Variants in RHOBTB3 observed in about 807,000 individuals in gnomAD.
RHOBTB3 encodes the protein Rho related BTB domain containing 3.
RHOBTB3 carries 47 observed loss-of-function variants against 67.2 expected under a neutral mutation model. That is an observed-to-expected ratio of 0.70 (90% CI 0.55 to 0.89). The LOEUF (loss-of-function observed/expected upper bound fraction) is 0.89, where lower values mean the gene tolerates loss of function less well. RHOBTB3 is among the 40% of genes least tolerant of loss of function. RHOBTB3 has a pLI of 0.00. For synonymous variants in RHOBTB3, 273 were observed against 274.2 expected (o/e 1.00, Z 0.04); for missense variants, 631 against 750.0 (o/e 0.84, Z 1.85).
At chr5:95,784,052 C>A (rs537874065) in intron 10 of RHOBTB3, 89 bp downstream of exon 10, 2 of 1,045,446 alleles carry the variant, frequency 1.9e-6, no homozygotes, top group Non-Finnish European at 2.6e-6. Flanking sequence ...TTTTAACATA[C>A]GTTAATACTA....
chr5:95,738,321 A>T (rs1489835950), intron 3 of RHOBTB3, among the ~76,000 whole-genome samples: 1 of 152,048 alleles, frequency 6.6e-6, no homozygotes, highest in Admixed American at 6.5e-5. Flanking sequence ...TCCATTTCCT[A>T]TTCATTCTTC....
chr5:95,761,492 G>A (rs559265002), intron 6 of RHOBTB3, among the ~76,000 whole-genome samples: 23 of 152,116 alleles, frequency 1.5e-4, no homozygotes, highest in African/African-American at 2.7e-4. Flanking sequence ...ACAGGCAGAC[G>A]CCACCATGCC....
At chr5:95,786,006 T>G (rs1746214467) in intron 10 of RHOBTB3, among the ~76,000 whole-genome samples, 1 of 152,196 alleles carries the variant, frequency 6.6e-6, no homozygotes, top group Admixed American at 6.5e-5. Flanking sequence ...CCTTATCTTT[T>G]CCCCTTGAAT....
intron 8 of RHOBTB3, among the ~76,000 whole-genome samples, chr5:95,773,321 C>A (rs1745773483): frequency 6.6e-6 from 1 of 152,158 alleles, no homozygotes; most frequent in Non-Finnish European, 1.5e-5. Context: ...CTCTTCATTG[C>A]TTCCCTAGCT....
chr5:95,773,266 C>T (rs142032255), intron 8 of RHOBTB3, among the ~76,000 whole-genome samples: 1 of 152,304 alleles, frequency 6.6e-6, no homozygotes, highest in Non-Finnish European at 1.5e-5. Context: ...TCAGGAAGGG[C>T]TGGCTGGATG....
intron 1 of RHOBTB3, among the ~76,000 whole-genome samples, chr5:95,724,331 A>C (rs1293009274): frequency 6.6e-6 from 1 of 152,254 alleles, no homozygotes; most frequent in Non-Finnish European, 1.5e-5. Flanking sequence ...AATGTTACTC[A>C]TCTGTTTCTG....
In RHOBTB3 at chr5:95,780,310, CATGTTTAATGGTA is replaced by C; in HGVS notation, c.1344_1356del (p.Met448IlefsTer9). Reference sequence around the variant, plus strand: ...TGGCCCGTTGTGAAGTGATGGCAGCCATGTTTAATGGTAATTACATGGAAGCAAAGAGTGTCCT... The same window carrying C: ...TGGCCCGTTGTGAAGTGATGGCAGCCATTACATGGAAGCAAAGAGTGTCCT... On this transcript the variant is annotated frameshift_variant, in exon 9 of 12. Transcript: ENST00000379982. LOFTEE classifies it high-confidence loss of function. 1 of 1,613,978 alleles carries C rather than the reference CATGTTTAATGGTA, an allele frequency of 6.2e-7. No individual in the cohort carries two copies. The highest frequency in any genetic ancestry group is 8.5e-7 in the Non-Finnish European group (1 of 1,179,838).
Position 95,794,150 on chromosome 5 carries a change from T to C in RHOBTB3, c.*976T>C. The C allele has an allele frequency of 2.4e-6, 1 of 412,830 alleles. No homozygotes were observed. Among genetic ancestry groups the C allele is most frequent in the Non-Finnish European group, 4.8e-6 (1 of 210,476 alleles). 25.6% of individuals were successfully genotyped at this position (412,830 alleles called of 1,614,324 possible). Reference sequence around the variant, plus strand: ...GCCACCTTGGCTGGCAAGGGAGAAATGTGTTGTGTTGTCTTAGCTTTAAAA... The same window carrying C: ...GCCACCTTGGCTGGCAAGGGAGAAACGTGTTGTGTTGTCTTAGCTTTAAAA... On this transcript the variant is annotated 3_prime_UTR_variant, in exon 12 of 12. Transcript: ENST00000379982.
chr5:95,719,577 A>G (rs975834352), intron 1 of RHOBTB3: 2 of 152,240 alleles, frequency 1.3e-5, no homozygotes, highest in Non-Finnish European at 2.9e-5. Flanking sequence ...AAGTTTTTAC[A>G]TCACTACTTG....
chr5:95,785,859 G>A (rs1452564724), intron 10 of RHOBTB3, among the ~76,000 whole-genome samples: 1 of 152,008 alleles, frequency 6.6e-6, no homozygotes, highest in Admixed American at 6.5e-5. Flanking sequence ...CTTCCCGTGT[G>A]GTCACATTGA....
chr5:95,732,467 T>G (rs1439877232), intron 2 of RHOBTB3: 1 of 386,014 alleles, frequency 2.6e-6, no homozygotes, highest in Non-Finnish European at 4.6e-6. Flanking sequence ...ATTGGTGTTC[T>G]AAAAATACAT....
At position 95,783,357 on chromosome 5, in the gene RHOBTB3, C is replaced by G. The variant is rs537834908; in HGVS notation, c.1457-440C>G. Among the ~76,000 whole-genome samples, 48 of 151,334 alleles carry G rather than the reference C, an allele frequency of 3.2e-4. No individual in the cohort carries two copies. The East Asian group carries it at 7.0e-3, about 22-fold the overall frequency. The stretch of plus-strand genomic sequence containing the variant: ...CAGGATGGACTTGATTTCTTGACCT[C>G]GTGATCCGCCCACCTCGGCCTCCCC... On this transcript the variant is annotated intron_variant, in intron 9 of 11. Coordinates refer to ENST00000379982, the MANE Select transcript of RHOBTB3 (RefSeq NM_014899.4).
rs145161011 is a variant in RHOBTB3, at chr5:95,765,420, C to T, written c.1161+1800C>T. On this transcript the variant is annotated intron_variant, in intron 7 of 11. Transcript: ENST00000379982. ...ATTGCGCTGAATTCCCTCCTCTGCA[C>T]GGGGAGAAAGAAGAGTTATTTCACA... is the stretch of plus-strand genomic sequence containing the variant. Among the ~76,000 whole-genome samples the T allele has an allele frequency of 2.9e-4, 44 of 152,236 alleles. No individual in the cohort carries two copies. The East Asian group carries it at 3.7e-3, about 13-fold the overall frequency.
At chr5:95,792,870 C>T (rs1453560085) in intron 11 of RHOBTB3, among the ~76,000 whole-genome samples, 189 bp from the exon 12 acceptor site, 1 of 151,240 alleles carries the variant, frequency 6.6e-6, no homozygotes, top group African/African-American at 2.4e-5. Flanking sequence ...TTGTAAGTCA[C>T]ATAATAACTT....
chr5:95,723,501 G>T (rs1754957479), intron 1 of RHOBTB3, among the ~76,000 whole-genome samples: 1 of 152,174 alleles, frequency 6.6e-6, no homozygotes, highest in African/African-American at 2.4e-5. Flanking sequence ...GAATGACTTT[G>T]CTTAGTTACT....
intron 4 of RHOBTB3, among the ~76,000 whole-genome samples, chr5:95,750,574 G>T (rs1029311771): frequency 1.8e-4 from 27 of 152,174 alleles, no homozygotes; most frequent in African/African-American, 6.3e-4. Flanking sequence ...AACACAGAAA[G>T]GTCTATGGAA....
At chr5:95,724,864 C>T (rs76143717) in intron 1 of RHOBTB3, among the ~76,000 whole-genome samples, 4,122 of 152,162 alleles carry the variant, frequency 0.027, 180 homozygotes, top group African/African-American at 0.09. Flanking sequence ...AATGTAATGC[C>T]TGGTACATGG....
At chr5:95,749,122 G>A (rs1735403284) in intron 4 of RHOBTB3, among the ~76,000 whole-genome samples, 1 of 152,172 alleles carries the variant, frequency 6.6e-6, no homozygotes, top group South Asian at 2.1e-4. Context: ...AGAATACTGT[G>A]GAGTTGTATC....
At chr5:95,739,095 C>G (rs1255876978) in intron 3 of RHOBTB3, among the ~76,000 whole-genome samples, 1 of 152,222 alleles carries the variant, frequency 6.6e-6, no homozygotes, top group East Asian at 1.9e-4. Flanking sequence ...CAGTCTGTCT[C>G]TCTGGCTTTA....
Sources: allele counts gnomAD v4.1 joint callset (sites outside exome capture counted in the v4.1 genomes callset), GRCh38; gene constraint gnomAD v4.1.1; transcripts MANE v1.5; gene names NCBI Gene and HGNC (gene_info 2026-07-23, HGNC 2026-07-21).